NOP9: variants seen among roughly 807,000 people sequenced by gnomAD.
NOP9 encodes nucleolar protein 9.
Under a neutral mutation model 63.0 loss-of-function variants are expected in NOP9, and 50 were observed. The ratio of observed to expected loss-of-function variants is 0.79; its 90% CI spans 0.63 to 1.00. The LOEUF is 1.00. NOP9 is among the 50% of genes least tolerant of loss of function. The pLI, the probability that NOP9 is intolerant of heterozygous loss-of-function variation, is 0.00. For missense variants in NOP9, 758 were observed against 803.0 expected (o/e 0.94, Z 0.68); for synonymous variants, 343 against 332.8 (o/e 1.03, Z -0.33).
Position 24,300,042 on chromosome 14 carries a change from C to A in NOP9, c.88C>A (p.Arg30Ser), listed in dbSNP as rs371208153. 6.2e-7 allele frequency: 1 copy of A among 1,609,396 alleles called. No individual in the cohort carries two copies. Residue 30 changes from arginine (R) to serine (S), a missense_variant, in exon 1 of 10, where the codon CGC becomes AGC. Coordinates refer to ENST00000267425, the MANE Select transcript of NOP9 (RefSeq NM_174913.3). Reference protein sequence around the residue: ...KRGRGAKGSGRPLPGRKRQPW... With the variant: ...KRGRGAKGSGSPLPGRKRQPW... ...GGGGCGCGGGGCCAAGGGGTCGGGG[C>A]GCCCCTTACCAGGCCGTAAGCGGCA...
chr14:24,305,424 A>G lies in NOP9; in HGVS notation c.*329A>G, dbSNP rs747116448. On this transcript the variant is annotated 3_prime_UTR_variant, in exon 10 of 10. Coordinates refer to ENST00000267425, the MANE Select transcript of NOP9 (RefSeq NM_174913.3). The stretch of plus-strand genomic sequence containing the variant: ...CAAGTGGGAGGCCAGAAAGGTGGCT[A>G]GGAAAGAACAGCATTCTTCAGGTAA... The G allele has an allele frequency of 1.1e-5, 7 of 632,250 alleles. No homozygotes were observed. Among genetic ancestry groups the G allele is most frequent in the Non-Finnish European group, 1.8e-5 (7 of 389,160 alleles). The allele number at this position is 632,250 out of a possible 1,614,324, so 39.2% of individuals were successfully genotyped here.
rs2041386355 is a variant in NOP9 at position 24,302,010 on chromosome 14, T to A, written c.854T>A (p.Leu285Ter). Residue 285 changes from leucine to a stop codon, truncating the protein, a stop_gained, in exon 4 of 10, where the codon TTA (leucine) becomes TAA (stop). Transcript: ENST00000267425. LOFTEE classifies it high-confidence loss of function. ...TCCAGCTTCTGTCTTCAAGTGGCTT[T>A]ACAGGTTTTACACCGCAAACTTCCC... ...KISSFCLQVA[L>*]QVLHRKLPQF... is the part of the protein sequence containing the mutation. The A allele has an allele frequency of 6.2e-7, 1 of 1,614,020 alleles. No homozygotes were observed.
At chr14:24,295,834 G>GC (rs2041239862), upstream of NOP9, among the ~76,000 whole-genome samples, 1 of 152,162 alleles carries the variant, frequency 6.6e-6, no homozygotes, top group South Asian at 2.1e-4. Flanking sequence ...GTTCTTACAT[G>GC]CTTTAGTCAC....
At chr14:24,275,858 G>C in the NOP9 span, among the ~76,000 whole-genome samples, 4 of 152,236 alleles carry the variant, frequency 2.6e-5, no homozygotes, top group Non-Finnish European at 4.4e-5. Context: ...GGGTGCCAGG[G>C]ATCCAGTAGT....
Position 24,305,827 on chromosome 14 carries a change from C to T in NOP9, c.*732C>T. On this transcript the variant is annotated 3_prime_UTR_variant, in exon 10 of 10. Coordinates refer to ENST00000267425, the MANE Select transcript of NOP9 (RefSeq NM_174913.3). ...GAAAACTTGGGAGGAAGCCATCAAG[C>T]TGGGAGATGAGGACTTTCCACAAGC... The T allele has an allele frequency of 6.3e-7, 1 of 1,598,664 alleles. No individual in the cohort carries two copies. Among genetic ancestry groups the T allele is most frequent in the South Asian group, 1.1e-5 (1 of 88,496 alleles).
chr14:24,305,578 T>C lies in NOP9; in HGVS notation c.*483T>C. 6.3e-7 allele frequency: 1 copy of C among 1,576,680 alleles called. No individual in the cohort carries two copies. Among genetic ancestry groups the C allele is most frequent in the Non-Finnish European group, 8.6e-7 (1 of 1,163,160 alleles). Reference sequence around the variant, plus strand: ...CAGGTCCTGAAATTTGATGCTGTCATAGTCTTTGCAGTGGGTCGGTTGGAA... The same window carrying C: ...CAGGTCCTGAAATTTGATGCTGTCACAGTCTTTGCAGTGGGTCGGTTGGAA... On this transcript the variant is annotated 3_prime_UTR_variant, in exon 10 of 10. Transcript: ENST00000267425.
chr14:24,303,281 AATCTT>A, intron 6 of NOP9, 67 bp downstream of exon 6: 1 of 1,597,844 alleles, frequency 6.3e-7, no homozygotes. Flanking sequence ...GGACTTATCT[AATCTT>A]AAGTTTTTGT....
the NOP9 span, among the ~76,000 whole-genome samples, chr14:24,276,948 A>G: frequency 6.6e-6 from 1 of 152,204 alleles, no homozygotes; most frequent in Non-Finnish European, 1.5e-5. Flanking sequence ...GGAGACACAG[A>G]ACGGAGGTAA....
chr14:24,300,549 G>T lies in NOP9; in HGVS notation c.389G>T (p.Arg130Leu), dbSNP rs753501656. 6 of 1,614,106 alleles carry T rather than the reference G, an allele frequency of 3.7e-6. No individual in the cohort carries two copies. The East Asian group carries it at 1.1e-4, about 30-fold the overall frequency. ...KPLCRVWAAL[R>L]SNLRTVACHR... ...CTTTGTCGCGTGTGGGCTGCTCTGC[G>T]CTCTAACTTGCGCACTGTGGCCTGT... The change falls in exon 2 of 10, where the codon CGC becomes CTC. Residue 130 changes from arginine to leucine, a missense_variant. Coordinates refer to ENST00000267425, the MANE Select transcript of NOP9 (RefSeq NM_174913.3).
At chr14:24,271,223 G>A in the NOP9 span, 1 of 1,368,636 alleles carries the variant, frequency 7.3e-7, no homozygotes, top group African/African-American at 1.5e-5. Flanking sequence ...TCCGCCCACA[G>A]CTGTGTCCGG....
chr14:24,286,580 TTTTTA>T, the NOP9 span, among the ~76,000 whole-genome samples: 2 of 152,002 alleles, frequency 1.3e-5, no homozygotes, highest in Non-Finnish European at 2.9e-5. Context: ...TTATTTTTTA[TTTTTA>T]TTTTATTTAT....
chr14:24,299,609 C>T (rs2139110052), upstream of NOP9: 3 of 281,146 alleles, frequency 1.1e-5, no homozygotes, highest in East Asian at 1.3e-4. Flanking sequence ...CTGAGGTCTG[C>T]AGATTGCGGG....
rs747355180 is a variant in NOP9, at chr14:24,305,815, G to A, written c.*720G>A. On this transcript the variant is annotated 3_prime_UTR_variant, in exon 10 of 10. Transcript: ENST00000267425. ...TCAGATGATTTGGAAAACTTGGGAG[G>A]AAGCCATCAAGCTGGGAGATGAGGA... is the stretch of plus-strand genomic sequence containing the variant. 35 of 1,604,182 alleles carry A rather than the reference G, an allele frequency of 2.2e-5. No individual in the cohort carries two copies. Among genetic ancestry groups the A allele is most frequent in the Non-Finnish European group, 2.8e-5 (33 of 1,174,190 alleles).
At chr14:24,273,694 A>G in the NOP9 span, among the ~76,000 whole-genome samples, 1 of 152,202 alleles carries the variant, frequency 6.6e-6, no homozygotes, top group South Asian at 2.1e-4. Flanking sequence ...AGTTTTGCAT[A>G]CATAGGAGGG....
the NOP9 span, among the ~76,000 whole-genome samples, chr14:24,288,201 C>G: frequency 6.6e-6 from 1 of 152,174 alleles, no homozygotes; most frequent in Non-Finnish European, 1.5e-5. Flanking sequence ...AATGGAAGGT[C>G]TAGATGACTT....
At chr14:24,291,326 C>A in the NOP9 span, 1 of 1,235,392 alleles carries the variant, frequency 8.1e-7, no homozygotes, top group Non-Finnish European at 1.2e-6. Flanking sequence ...AGCTCAGGAT[C>A]CCTGGAGAGC....
the NOP9 span, chr14:24,294,542 T>G: frequency 6.6e-6 from 1 of 151,932 alleles, no homozygotes; most frequent in Non-Finnish European, 1.5e-5. Context: ...TGAGCTGAGA[T>G]TGCACACTGC....
At chr14:24,303,518 C>G (rs1364392546) in intron 6 of NOP9, among the ~76,000 whole-genome samples, 1 of 152,086 alleles carries the variant, frequency 6.6e-6, no homozygotes, top group Non-Finnish European at 1.5e-5. Flanking sequence ...AATTGTCTCC[C>G]AGAACTAAGA....
chr14:24,296,406 G>A (rs556717191), upstream of NOP9: 240 of 1,113,552 alleles, frequency 2.2e-4, 1 homozygote, highest in African/African-American at 3.5e-3. Flanking sequence ...AGAAAGAGAT[G>A]GGGGAGGCCG....
Sources: allele counts gnomAD v4.1 joint callset (sites outside exome capture counted in the v4.1 genomes callset), GRCh38; gene constraint gnomAD v4.1.1; transcripts MANE v1.5; gene names NCBI Gene and HGNC (gene_info 2026-07-23, HGNC 2026-07-21).